Variants in R3HDM1 observed in about 807,000 individuals in gnomAD.
R3HDM1 encodes R3H domain-containing protein 1.
A neutral mutation model predicts 141.1 loss-of-function variants in R3HDM1; 46 were observed. The ratio of observed to expected loss-of-function variants is 0.33; its 90% confidence interval spans 0.26 to 0.42. R3HDM1 has a LOEUF of 0.42. Ranked by LOEUF, R3HDM1 falls within the 10% of genes least tolerant of loss-of-function variation. The pLI is 1.00. For synonymous variants in R3HDM1, 435 were observed against 472.9 expected (o/e 0.92, Z 1.04); for missense variants, 1,184 against 1,368.3 (o/e 0.87, Z 2.12).
chr2:135,661,213 A>G, intron 18 of R3HDM1, 57 bp from the exon 19 acceptor site: 1 of 1,591,386 alleles, frequency 6.3e-7, no homozygotes, highest in Non-Finnish European at 8.6e-7. Flanking sequence ...TTCCTCACAG[A>G]AAAACATATG....
chr2:135,720,453 G>T (rs1444508624), intron 24 of R3HDM1, among the ~76,000 whole-genome samples: 2 of 152,156 alleles, frequency 1.3e-5, no homozygotes, highest in Non-Finnish European at 2.9e-5. Context: ...CTAAATTTGA[G>T]AACTTAAAAT....
intron 1 of R3HDM1, among the ~76,000 whole-genome samples, chr2:135,584,874 A>G (rs2105040461): frequency 6.6e-6 from 1 of 152,344 alleles, no homozygotes; most frequent in African/African-American, 2.4e-5. Flanking sequence ...TTTCATAACA[A>G]GAGTTTCTGT....
At chr2:135,679,298 TAC>T (rs2069802012) in intron 20 of R3HDM1, among the ~76,000 whole-genome samples, 1 of 152,104 alleles carries the variant, frequency 6.6e-6, no homozygotes, top group African/African-American at 2.4e-5. Context: ...AACTGAAAGA[TAC>T]ACTGTTTACT....
intron 1 of R3HDM1, among the ~76,000 whole-genome samples, chr2:135,560,555 G>A (rs571532137): frequency 1.8e-4 from 28 of 152,090 alleles, no homozygotes; most frequent in Admixed American, 7.2e-4. Flanking sequence ...CTCGTGATCC[G>A]CCCACCTCAG....
At chr2:135,599,387 G>A (rs933901584) in intron 1 of R3HDM1, among the ~76,000 whole-genome samples, 1 of 152,074 alleles carries the variant, frequency 6.6e-6, no homozygotes, top group African/African-American at 2.4e-5. Context: ...GTAATAGTAG[G>A]AACTGAGATA....
intron 19 of R3HDM1, among the ~76,000 whole-genome samples, chr2:135,671,403 C>G (rs2068316494): frequency 6.6e-6 from 1 of 151,832 alleles, no homozygotes; most frequent in Non-Finnish European, 1.5e-5. Flanking sequence ...GAGTTTCGCT[C>G]TTGTCGCCCA....
rs1251680740 is a variant in R3HDM1 at position 135,638,732 on chromosome 2, C to T, written c.942-7C>T. The T allele has an allele frequency of 1.2e-6, 2 of 1,613,908 alleles. No homozygotes were observed. Among genetic ancestry groups the T allele is most frequent in the East Asian group, 2.2e-5 (1 of 44,884 alleles). ...AAAATTAAAATGTCCTATTAAAATG[C>T]CAACAGACTCCAAGACGAGGATGCC... On this transcript the variant is annotated splice_region_variant and splice_polypyrimidine_tract_variant and intron_variant, in intron 12 of 26. Transcript: ENST00000683871.
intron 19 of R3HDM1, among the ~76,000 whole-genome samples, chr2:135,668,533 A>G (rs2067862731): frequency 6.6e-6 from 1 of 152,174 alleles, no homozygotes; most frequent in South Asian, 2.1e-4. Flanking sequence ...TTAAATGACA[A>G]TTTTAGTTGT....
Position 135,636,122 on chromosome 2 carries a change from A to G in R3HDM1, c.842A>G (p.Lys281Arg). The G allele has an allele frequency of 6.2e-7, 1 of 1,613,124 alleles. No homozygotes were observed. ...CGTTTGAAAGATGACAGAAGAAGCAAATCTATAGAAGAAAGAGAAGAAGAG... is the reference window on the plus strand; with the variant it reads ...CGTTTGAAAGATGACAGAAGAAGCAGATCTATAGAAGAAAGAGAAGAAGAG... ...RIRLKDDRRSKSIEEREEEYQ... is the reference protein window; with the variant it reads ...RIRLKDDRRSRSIEEREEEYQ... Residue 281 changes from lysine to arginine, a missense_variant, in exon 11 of 27, where the codon AAA (lysine) becomes AGA (arginine). By Grantham distance (26) the Lys-to-Arg change is conservative (BLOSUM62 2). Transcript: ENST00000683871.
At chr2:135,615,085 G>C (rs371646420) in intron 3 of R3HDM1, among the ~76,000 whole-genome samples, 2 of 151,974 alleles carry the variant, frequency 1.3e-5, no homozygotes, top group South Asian at 2.1e-4. Flanking sequence ...TTTTCCTTTT[G>C]TTGTTCTGTA....
At chr2:135,671,395 G>A (rs1284453284) in intron 19 of R3HDM1, among the ~76,000 whole-genome samples, 1 of 151,932 alleles carries the variant, frequency 6.6e-6, no homozygotes, top group South Asian at 2.1e-4. Flanking sequence ...TTAAGATGGA[G>A]TTTCGCTCTT....
intron 15 of R3HDM1, among the ~76,000 whole-genome samples, chr2:135,644,035 A>G (rs1574635908): frequency 6.6e-6 from 1 of 152,160 alleles, no homozygotes; most frequent in Non-Finnish European, 1.5e-5. Flanking sequence ...TATATAATAA[A>G]CCACCATAAC....
chr2:135,622,492 A>G, intron 6 of R3HDM1, 162 bp from the exon 7 acceptor site: 1 of 984,626 alleles, frequency 1.0e-6, no homozygotes, highest in Non-Finnish European at 1.2e-6. Context: ...GAATAGAAAC[A>G]TCGTGGTCAC....
At chr2:135,584,149 GAAACACCATCTCTAATAAAAATATAA>G (rs1163593148) in intron 1 of R3HDM1, 1 of 695,514 alleles carries the variant, frequency 1.4e-6, no homozygotes, top group Non-Finnish European at 1.8e-6. Flanking sequence ...CCAACATGGT[GAAACACCATCTCTAATAAAAATATAA>G]ATATTAACCA....
At chr2:135,610,007 C>G (rs531833195) in intron 3 of R3HDM1, among the ~76,000 whole-genome samples, 1 of 151,958 alleles carries the variant, frequency 6.6e-6, no homozygotes, top group African/African-American at 2.4e-5. Flanking sequence ...CCGTGCCACT[C>G]TACTCCAGCC....
chr2:135,630,301 AAAAAAAAC>A (rs1559291486), intron 7 of R3HDM1, among the ~76,000 whole-genome samples: 3 of 145,868 alleles, frequency 2.1e-5, no homozygotes, highest in African/African-American at 8.0e-5. Flanking sequence ...AAAAAAAAAA[AAAAAAAAC>A]AAAAAAAAAA....
intron 1 of R3HDM1, chr2:135,568,790 A>G (rs1319505975): frequency 6.6e-6 from 1 of 152,234 alleles, no homozygotes. Context: ...AGAAAGGGAT[A>G]AGGAGTCGTC....
At chr2:135,578,860 A>G (rs1006529559) in intron 1 of R3HDM1, among the ~76,000 whole-genome samples, 4 of 152,212 alleles carry the variant, frequency 2.6e-5, no homozygotes, top group Admixed American at 1.3e-4. Context: ...GAAGTTACAG[A>G]TTAAGATAGT....
At chr2:135,566,311 A>G (rs1702786740) in intron 1 of R3HDM1, among the ~76,000 whole-genome samples, 1 of 152,244 alleles carries the variant, frequency 6.6e-6, no homozygotes, top group Non-Finnish European at 1.5e-5. Context: ...AAACTTGGCA[A>G]TTGTTTTGTA....
Sources: allele counts gnomAD v4.1 joint callset (sites outside exome capture counted in the v4.1 genomes callset), GRCh38; gene constraint gnomAD v4.1.1; transcripts MANE v1.5; gene names NCBI Gene and HGNC (gene_info 2026-07-23, HGNC 2026-07-21).